SAMD3: variants seen among roughly 807,000 people sequenced by gnomAD.
The protein encoded by SAMD3 is sterile alpha motif domain-containing protein 3.
Under a neutral mutation model 58.5 loss-of-function variants are expected in SAMD3, and 63 were observed. The ratio of observed to expected loss-of-function variants is 1.08; its 90% CI spans 0.88 to 1.33. SAMD3 has a LOEUF of 1.33. Ranked by LOEUF, SAMD3 falls within the 40% of genes most tolerant of loss-of-function variation. SAMD3 has a pLI of 0.00. For missense variants in SAMD3, 604 were observed against 608.4 expected, an observed-to-expected ratio of 0.99 and a Z score of 0.08; for synonymous variants, 220 against 210.3, an observed-to-expected ratio of 1.05 and a Z score of -0.40.
chr6:130,209,508 C>A lies in SAMD3; in HGVS notation c.370G>T (p.Val124Leu), dbSNP rs112197738. 1.8e-4 allele frequency: 288 copies of A among 1,604,288 alleles called. No homozygotes were observed. In the Middle Eastern group the frequency reaches 2.8e-3, roughly 16 times the overall value. Residue 124 changes from valine (V) to leucine (L), a missense_variant, in exon 5 of 12, where the codon GTA becomes TTA. By Grantham distance (32) the Val-to-Leu change is conservative (BLOSUM62 1). Coordinates refer to ENST00000439090, the MANE Select transcript of SAMD3 (RefSeq NM_001017373.4). ...NLDNGLIDQRVLKQRRNVKQI... is the reference protein window; with the variant it reads ...NLDNGLIDQRLLKQRRNVKQI... ...TGGTACCCCCACCTCTGTTTCAATA[C>A]TCTTTGGTCAATTAGTCCATTATCA...
chr6:130,342,129 T>C (rs1777294171), intron 1 of SAMD3, among the ~76,000 whole-genome samples: 1 of 152,224 alleles, frequency 6.6e-6, no homozygotes, highest in Admixed American at 6.5e-5. Context: ...ATTGTGAATA[T>C]GATTGCATCT....
At chr6:130,324,129 T>C (rs1251575817) in intron 1 of SAMD3, among the ~76,000 whole-genome samples, 1 of 152,174 alleles carries the variant, frequency 6.6e-6, no homozygotes, top group Non-Finnish European at 1.5e-5. Context: ...ACATTTTACA[T>C]AGAGCAAATT....
intron 2 of SAMD3, among the ~76,000 whole-genome samples, chr6:130,298,355 A>C (rs1014444522): frequency 6.6e-6 from 1 of 152,164 alleles, no homozygotes; most frequent in Non-Finnish European, 1.5e-5. Flanking sequence ...TCATTACCAG[A>C]TCAGTCTTAA....
chr6:130,305,446 G>A (rs181230856), intron 2 of SAMD3, among the ~76,000 whole-genome samples: 8 of 152,028 alleles, frequency 5.3e-5, no homozygotes, highest in Non-Finnish European at 2.9e-5. Flanking sequence ...ATAATCTCCA[G>A]AACAATGTTG....
At chr6:130,295,431 C>G (rs1483001299) in intron 2 of SAMD3, among the ~76,000 whole-genome samples, 2 of 152,160 alleles carry the variant, frequency 1.3e-5, no homozygotes, top group African/African-American at 2.4e-5. Context: ...AGATAAATTG[C>G]ATCCTAAATT....
intron 1 of SAMD3, among the ~76,000 whole-genome samples, chr6:130,325,111 A>C (rs1257442397): frequency 1.3e-5 from 2 of 152,246 alleles, no homozygotes; most frequent in African/African-American, 4.8e-5. Context: ...TTCCTTTAGC[A>C]GAAATCTCAT....
chr6:130,355,784 C>A (rs1413113669), intron 1 of SAMD3, among the ~76,000 whole-genome samples: 2 of 152,290 alleles, frequency 1.3e-5, no homozygotes, highest in East Asian at 3.9e-4. Context: ...ACAAGAGGGG[C>A]AGCCCCAGAA....
intron 1 of SAMD3, among the ~76,000 whole-genome samples, chr6:130,363,682 CCT>C (rs1424604003): frequency 1.3e-5 from 2 of 152,030 alleles, no homozygotes; most frequent in African/African-American, 4.8e-5. Flanking sequence ...GTACCAAGTC[CCT>C]CTGTTAGTAG....
intron 2 of SAMD3, among the ~76,000 whole-genome samples, chr6:130,299,024 C>T (rs1775660563): frequency 6.6e-6 from 1 of 152,150 alleles, no homozygotes; most frequent in South Asian, 2.1e-4. Context: ...GTGACTTCAA[C>T]ACTCCACTGA....
At chr6:130,300,965 C>A (rs1293250010) in intron 2 of SAMD3, among the ~76,000 whole-genome samples, 1 of 152,108 alleles carries the variant, frequency 6.6e-6, no homozygotes, top group Non-Finnish European at 1.5e-5. Flanking sequence ...TGCTATCCCT[C>A]CCTCAGCCCC....
At chr6:130,214,931 G>A (rs964619326) in intron 3 of SAMD3, among the ~76,000 whole-genome samples, 1 of 152,076 alleles carries the variant, frequency 6.6e-6, no homozygotes, top group African/African-American at 2.4e-5. Flanking sequence ...AATATTAAAT[G>A]CATATATCAA....
intron 2 of SAMD3, among the ~76,000 whole-genome samples, chr6:130,237,313 G>A (rs1054619955): frequency 6.6e-6 from 1 of 151,978 alleles, no homozygotes; most frequent in Non-Finnish European, 1.5e-5. Flanking sequence ...ATGCATTACA[G>A]CCCCCCTCCA....
At chr6:130,324,714 G>C (rs1350722614) in intron 1 of SAMD3, among the ~76,000 whole-genome samples, 1 of 151,636 alleles carries the variant, frequency 6.6e-6, no homozygotes, top group Non-Finnish European at 1.5e-5. Flanking sequence ...CAAAAAATCT[G>C]AACATTATCC....
At position 130,175,953 on chromosome 6, in the gene SAMD3, TCTATGGGTCTTCGAA is replaced by T. The variant is rs773203972; in HGVS notation, c.695_709del (p.Val232_Ile236del). Reference sequence around the variant, plus strand: ...ATTTCTAATCACTTGCTCATCATCTTCTATGGGTCTTCGAACATATTTAAAGCGATCTTTGAGGGC... The same window carrying T: ...ATTTCTAATCACTTGCTCATCATCTTCATATTTAAAGCGATCTTTGAGGGC... On this transcript the variant is annotated inframe_deletion, in exon 8 of 12. Transcript: ENST00000439090. 34 of 1,613,644 alleles carry T rather than the reference TCTATGGGTCTTCGAA, an allele frequency of 2.1e-5. No individual in the cohort carries two copies. The highest frequency in any genetic ancestry group is 4.2e-6 in the Non-Finnish European group (5 of 1,179,754).
chr6:130,193,622 C>T (rs537385799), intron 5 of SAMD3, among the ~76,000 whole-genome samples: 4 of 152,252 alleles, frequency 2.6e-5, no homozygotes, highest in Admixed American at 6.5e-5. Context: ...CTCCAACTCC[C>T]TTAGCCTGTG....
intron 2 of SAMD3, among the ~76,000 whole-genome samples, chr6:130,268,651 A>C (rs542788377): frequency 6.6e-6 from 1 of 152,292 alleles, no homozygotes; most frequent in African/African-American, 2.4e-5. Flanking sequence ...TTGTGTTACA[A>C]TTGCTGATAA....
chr6:130,215,294 C>A lies in SAMD3; in HGVS notation c.-21G>T. Reference sequence around the variant, plus strand: ...TCCATTGCTGTCTCCTGTAAATACACCTGTAGAGCAAAAGGTCAGAGAATT... The same window carrying A: ...TCCATTGCTGTCTCCTGTAAATACAACTGTAGAGCAAAAGGTCAGAGAATT... On this transcript the variant is annotated splice_region_variant and 5_prime_UTR_variant, in exon 3 of 12. Transcript: ENST00000439090. 2.6e-6 allele frequency: 4 copies of A among 1,556,962 alleles called. No individual in the cohort carries two copies. In the Middle Eastern group the frequency reaches 5.1e-4, roughly 198 times the overall value.
intron 8 of SAMD3, among the ~76,000 whole-genome samples, chr6:130,172,119 G>T (rs1791308525): frequency 6.6e-6 from 1 of 152,016 alleles, no homozygotes. Context: ...ACCTGAGATG[G>T]GTCTCCTGAA....
chr6:130,335,197 G>T (rs1248517902), intron 1 of SAMD3, among the ~76,000 whole-genome samples: 1 of 152,178 alleles, frequency 6.6e-6, no homozygotes, highest in Non-Finnish European at 1.5e-5. Context: ...ATACAGCCAA[G>T]GTTGTGGGTT....
Sources: gnomAD v4.1 joint callset for allele counts (sites outside exome capture counted in the v4.1 genomes callset) on GRCh38, gnomAD v4.1.1 for gene constraint, MANE v1.5 for transcripts, NCBI Gene and HGNC (gene_info 2026-07-23, HGNC 2026-07-21) for gene names.